ARL3: variants seen among roughly 807,000 people sequenced by gnomAD.
ARL3 encodes the protein ARF like GTPase 3.
ARL3 carries 9 observed loss-of-function variants against 26.0 expected under a neutral mutation model. The observed-to-expected ratio is 0.35, with a 90% CI of 0.21 to 0.60. ARL3 has a LOEUF of 0.60. Ranked by LOEUF, ARL3 falls within the 20% of genes least tolerant of loss-of-function variation. The pLI is 0.78. For synonymous variants in ARL3, 71 were observed against 78.4 expected, an observed-to-expected ratio of 0.91 and a Z score of 0.50; for missense variants, 158 against 215.7, an observed-to-expected ratio of 0.73 and a Z score of 1.67.
chr10:102,707,923 T>A (rs1009822952), intron 1 of ARL3, among the ~76,000 whole-genome samples: 3 of 152,124 alleles, frequency 2.0e-5, no homozygotes, highest in Non-Finnish European at 4.4e-5. Context: ...CCTTTTTCTT[T>A]TTTTTGGGGG....
intron 1 of ARL3, among the ~76,000 whole-genome samples, chr10:102,711,187 TACAA>T (rs758313007): frequency 2.0e-5 from 3 of 152,096 alleles, no homozygotes; most frequent in South Asian, 2.1e-4. Context: ...CCTAAATAAA[TACAA>T]ACAATGTTTC....
At chr10:102,686,961 C>T (rs528345880) in intron 4 of ARL3, among the ~76,000 whole-genome samples, 9 of 147,760 alleles carry the variant, frequency 6.1e-5, no homozygotes, top group East Asian at 2.0e-4. Context: ...CTGCAACCTC[C>T]GCCTCCCGGG....
At position 102,674,125 on chromosome 10, in the gene ARL3, C is replaced by T. The variant is rs2064118468; in HGVS notation, c.*2769G>A. On this transcript the variant is annotated 3_prime_UTR_variant, in exon 6 of 6. Transcript: ENST00000260746. Reference sequence around the variant, plus strand: ...TCCAGAGGGGAATAAAGAAATTTGTCAAAAGCAAGGAGAGAGAAGTGGAGA... The same window carrying T: ...TCCAGAGGGGAATAAAGAAATTTGTTAAAAGCAAGGAGAGAGAAGTGGAGA... 6.6e-6 allele frequency: 1 copy of T among 152,578 alleles called. No individual in the cohort carries two copies. Among genetic ancestry groups the T allele is most frequent in the African/African-American group, 2.4e-5 (1 of 41,378 alleles). The allele number at this position is 152,578 out of a possible 1,614,324, so 9.5% of individuals were successfully genotyped here.
rs2064367902 is a variant in ARL3, at chr10:102,714,240, C to T, written c.3+33G>A. 3.8e-6 allele frequency: 5 copies of T among 1,313,252 alleles called. No homozygotes were observed. In the African/African-American group the frequency reaches 7.5e-5, roughly 20 times the overall value. The allele number at this position is 1,313,252 out of a possible 1,614,324, so 81.3% of individuals were successfully genotyped here. A position where few individuals can be genotyped will look rare whatever the true frequency, so the allele number is the denominator to read the frequency against. On this transcript the variant is annotated intron_variant, in intron 1 of 5. Coordinates refer to ENST00000260746, the MANE Select transcript of ARL3 (RefSeq NM_004311.4). ...TGGGGACGGGAGGGGGATAACCGGC[C>T]GGCTCCAAGGGGGCCCAGGCCCCCA...
chr10:102,711,016 T>C (rs2064336048), intron 1 of ARL3, among the ~76,000 whole-genome samples: 1 of 152,202 alleles, frequency 6.6e-6, no homozygotes, highest in African/African-American at 2.4e-5. Flanking sequence ...ATTTGAATTC[T>C]GAAATTACGA....
At chr10:102,681,219 T>C (rs1303013640) in intron 5 of ARL3, among the ~76,000 whole-genome samples, 1 of 151,418 alleles carries the variant, frequency 6.6e-6, no homozygotes, top group Non-Finnish European at 1.5e-5. Context: ...GAAACCTCGT[T>C]GCTACTAAAA....
At chr10:102,688,783 G>A (rs957458361) in intron 4 of ARL3, among the ~76,000 whole-genome samples, 2 of 152,092 alleles carry the variant, frequency 1.3e-5, no homozygotes, top group South Asian at 2.1e-4. Context: ...GATTACAGGC[G>A]CGAGCCACCG....
intron 2 of ARL3, among the ~76,000 whole-genome samples, chr10:102,700,959 A>G (rs1465959736): frequency 2.0e-5 from 3 of 147,922 alleles, no homozygotes; most frequent in Non-Finnish European, 4.5e-5. Flanking sequence ...CTGGTCTTGA[A>G]CTCCCGACCT....
rs1406279442 is a variant in ARL3, at chr10:102,702,745, C to T, written c.147+2601G>A. Among the ~76,000 whole-genome samples, 3 of 152,192 alleles carry T rather than the reference C, an allele frequency of 2.0e-5. No homozygotes were observed. The East Asian group carries it at 5.8e-4, about 29-fold the overall frequency. ...ACACTAATATGTGTTTTCAGCCCTT[C>T]TAGGCTAGATTACTGTAATTTGCTT... On this transcript the variant is annotated intron_variant, in intron 2 of 5. Transcript: ENST00000260746.
At chr10:102,687,458 T>C (rs933212554) in intron 4 of ARL3, among the ~76,000 whole-genome samples, 1 of 151,578 alleles carries the variant, frequency 6.6e-6, no homozygotes. Context: ...AATCCCAGCA[T>C]TTTGGGAGGC....
intron 1 of ARL3, among the ~76,000 whole-genome samples, chr10:102,710,538 A>G (rs1175292483): frequency 6.6e-6 from 1 of 152,218 alleles, no homozygotes; most frequent in East Asian, 1.9e-4. Context: ...CAATGACATT[A>G]ATTTTTAAAG....
intron 2 of ARL3, 123 bp downstream of exon 2, chr10:102,705,223 G>T: frequency 8.3e-7 from 1 of 1,207,502 alleles, no homozygotes; most frequent in Non-Finnish European, 1.1e-6. Context: ...TCTTTAGATT[G>T]TATAGACTTT....
In ARL3 at chr10:102,714,255, C is replaced by T. The variant is rs372247099; in HGVS notation, c.3+18G>A. On this transcript the variant is annotated intron_variant, in intron 1 of 5. Transcript: ENST00000260746. ...GATAACCGGCCGGCTCCAAGGGGGC[C>T]CAGGCCCCCACACTCACCATCCTCC... The T allele has an allele frequency of 4.6e-6, 6 of 1,313,460 alleles. No individual in the cohort carries two copies. The highest frequency in any genetic ancestry group is 3.1e-5 in the Admixed American group (1 of 32,744). 81.4% of individuals were successfully genotyped at this position (1,313,460 alleles called of 1,614,324 possible).
chr10:102,708,908 A>ATATATATATATATATATTTTTTTTTTTT, intron 1 of ARL3, among the ~76,000 whole-genome samples: 1 of 95,350 alleles, frequency 1.0e-5, no homozygotes, highest in African/African-American at 4.2e-5. Flanking sequence ...ATATATATAT[A>ATATATATATATATATATTTTTTTTTTTT]TTTTTTTTTT....
rs1295659524 is a variant in ARL3 at position 102,676,536 on chromosome 10, T to G, written c.*358A>C. On this transcript the variant is annotated 3_prime_UTR_variant, in exon 6 of 6. Transcript: ENST00000260746. ...AAGCTGCTTCTTCCTCTTTTTCTTT[T>G]TCTTTTTTTTTTTTTGAGAGGAAAA... 1 of 175,386 alleles carries G rather than the reference T, an allele frequency of 5.7e-6. No homozygotes were observed. Among genetic ancestry groups the G allele is most frequent in the Non-Finnish European group, 1.2e-5 (1 of 82,876 alleles). 10.9% of individuals were successfully genotyped at this position (175,386 alleles called of 1,614,324 possible). A position where few individuals can be genotyped will look rare whatever the true frequency, so the allele number is the denominator to read the frequency against.
In ARL3 at chr10:102,685,967, C is replaced by T. The variant is rs1363298834; in HGVS notation, c.350G>A (p.Ser117Asn). ...AGCAAAGATGAGCACTGGCACACAA[C>T]TTAGTTTTTCTTCCTCCAGTAATTC... The part of the protein sequence containing the change: ...LAELLEEEKL[S>N]CVPVLIFANK... Residue 117 changes from serine to asparagine, a missense_variant, in exon 5 of 6, where the codon AGT becomes AAT. Coordinates refer to ENST00000260746, the MANE Select transcript of ARL3 (RefSeq NM_004311.4). The T allele has an allele frequency of 1.9e-6, 3 of 1,613,546 alleles. No homozygotes were observed. Among genetic ancestry groups the T allele is most frequent in the African/African-American group, 1.3e-5 (1 of 74,968 alleles).
intron 3 of ARL3, among the ~76,000 whole-genome samples, chr10:102,693,353 T>C (rs993456266): frequency 3.3e-5 from 5 of 152,180 alleles, no homozygotes; most frequent in Admixed American, 3.3e-4. Context: ...CAGCATTTGG[T>C]ATTGTCAGTT....
chr10:102,703,111 G>A lies in ARL3; in HGVS notation c.147+2235C>T, dbSNP rs2064288873. 2.1e-5 allele frequency among the ~76,000 whole-genome samples: 3 copies of A among 142,162 alleles called. No individual in the cohort carries two copies. The Admixed American group carries it at 2.2e-4, about 11-fold the overall frequency. The allele number at this position is 142,162 out of a possible 152,430, so 93.3% of individuals were successfully genotyped here. A position where few individuals can be genotyped will look rare whatever the true frequency, so the allele number is the denominator to read the frequency against. On this transcript the variant is annotated intron_variant, in intron 2 of 5. Transcript: ENST00000260746. Reference sequence around the variant, plus strand: ...AACCCACTACAGTTTTTCCAATCAGGTCTTGTCTTTTTTTTTTTTTTTTTT... The same window carrying A: ...AACCCACTACAGTTTTTCCAATCAGATCTTGTCTTTTTTTTTTTTTTTTTT...
intron 5 of ARL3, among the ~76,000 whole-genome samples, chr10:102,685,568 TCA>T (rs2064179230): frequency 6.6e-6 from 1 of 152,198 alleles, no homozygotes; most frequent in South Asian, 2.1e-4. Context: ...GAGACAATCC[TCA>T]GTCTTCTGTT....
Sources: allele counts gnomAD v4.1 joint callset (sites outside exome capture counted in the v4.1 genomes callset), GRCh38; gene constraint gnomAD v4.1.1; transcripts MANE v1.5; gene names NCBI Gene and HGNC (gene_info 2026-07-23, HGNC 2026-07-21).